The following SHROOM3 variants were observed in gnomAD, a reference collection of about 807,000 sequenced individuals.
SHROOM3 encodes shroom family member 3.
SHROOM3 carries 47 observed loss-of-function variants against 138.6 expected under a neutral mutation model. The ratio of observed to expected loss-of-function variants is 0.34; its 90% CI spans 0.27 to 0.43. The LOEUF (loss-of-function observed/expected upper bound fraction) is 0.43. Ranked by LOEUF, SHROOM3 falls within the 20% of genes least tolerant of loss-of-function variation. The pLI is 1.00. For missense variants in SHROOM3, 2,491 were observed against 2,596.5 expected (o/e 0.96, Z 0.88); for synonymous variants, 1,062 against 1,063.3 (o/e 1.00, Z 0.02).
intron 1 of SHROOM3, among the ~76,000 whole-genome samples, chr4:76,479,009 C>A (rs1731546667): frequency 6.6e-6 from 1 of 152,064 alleles, no homozygotes; most frequent in Non-Finnish European, 1.5e-5. Flanking sequence ...GTAGATAAAT[C>A]CACGAAGATG....
chr4:76,562,674 G>A (rs1265224639), intron 2 of SHROOM3, among the ~76,000 whole-genome samples: 1 of 152,108 alleles, frequency 6.6e-6, no homozygotes, highest in East Asian at 1.9e-4. Context: ...ACACTGTTTT[G>A]CCACCTCTCC....
At chr4:76,565,289 C>T (rs779932618) in intron 2 of SHROOM3, among the ~76,000 whole-genome samples, 1 of 151,620 alleles carries the variant, frequency 6.6e-6, no homozygotes, top group Non-Finnish European at 1.5e-5. Flanking sequence ...AATTTGGATG[C>T]ATCAGCTAGG....
At chr4:76,456,154 G>A (rs1731023031) in intron 1 of SHROOM3, among the ~76,000 whole-genome samples, 1 of 152,068 alleles carries the variant, frequency 6.6e-6, no homozygotes, top group African/African-American at 2.4e-5. Flanking sequence ...TTACAGGCAT[G>A]TGTCACCACT....
intron 9 of SHROOM3, among the ~76,000 whole-genome samples, chr4:76,764,770 C>A (rs1560621066): frequency 6.6e-6 from 1 of 152,178 alleles, no homozygotes; most frequent in African/African-American, 2.4e-5. Context: ...TCTGGCCACT[C>A]TCTTTCGTCT....
intron 2 of SHROOM3, among the ~76,000 whole-genome samples, chr4:76,672,668 G>C (rs1718919627): frequency 6.6e-6 from 1 of 152,148 alleles, no homozygotes; most frequent in Admixed American, 6.5e-5. Flanking sequence ...CGCCTCCTGG[G>C]TTCACACCAT....
intron 3 of SHROOM3, among the ~76,000 whole-genome samples, chr4:76,715,669 C>T (rs1720352216): frequency 6.6e-6 from 1 of 152,170 alleles, no homozygotes; most frequent in African/African-American, 2.4e-5. Context: ...GATCACCATG[C>T]TTCATAAAGT....
chr4:76,683,763 C>G (rs985372246), intron 2 of SHROOM3, among the ~76,000 whole-genome samples: 3 of 152,162 alleles, frequency 2.0e-5, no homozygotes, highest in Admixed American at 1.3e-4. Context: ...GATGGAACTA[C>G]TTTAGAACCC....
At position 76,738,754 on chromosome 4, in the gene SHROOM3, C is replaced by T. The variant is rs139587539; in HGVS notation, c.588-7C>T. On this transcript the variant is annotated splice_polypyrimidine_tract_variant and splice_region_variant and intron_variant, in intron 4 of 10. Coordinates refer to ENST00000296043, the MANE Select transcript of SHROOM3 (RefSeq NM_020859.4). ...CAGTGGTACTGACTGCTTTGTCTTT[C>T]TTCCAGCTCCTCTACTAGTGACCTC... 10 of 1,614,184 alleles carry T rather than the reference C, an allele frequency of 6.2e-6. No individual in the cohort carries two copies. The East Asian group carries it at 2.2e-4, about 36-fold the overall frequency.
In SHROOM3 at chr4:76,653,991, CATATAT is replaced by C. The variant is rs1440168391; in HGVS notation, c.324-56163_324-56158del. 2.0e-5 allele frequency among the ~76,000 whole-genome samples: 3 copies of C among 152,224 alleles called. No individual in the cohort carries two copies. The East Asian group carries it at 5.8e-4, about 29-fold the overall frequency. ...AAGACTCTAGTAATGGAGAAAAACT[CATATAT>C]AGATAAATTACCAATCAATGTGGTA... On this transcript the variant is annotated intron_variant, in intron 2 of 10. Transcript: ENST00000296043.
chr4:76,640,083 C>T (rs73826403), intron 2 of SHROOM3, among the ~76,000 whole-genome samples: 2,584 of 152,056 alleles, frequency 0.017, 73 homozygotes, highest in African/African-American at 0.06. Flanking sequence ...TTGTCAGCTG[C>T]CAGATTATTA....
intron 2 of SHROOM3, among the ~76,000 whole-genome samples, chr4:76,680,968 G>A (rs1015312331): frequency 6.6e-6 from 1 of 152,180 alleles, no homozygotes; most frequent in Non-Finnish European, 1.5e-5. Flanking sequence ...ATGACTTCTT[G>A]AACAGTGCAG....
intron 1 of SHROOM3, among the ~76,000 whole-genome samples, chr4:76,466,714 G>A (rs927417590): frequency 3.9e-5 from 6 of 151,932 alleles, no homozygotes; most frequent in African/African-American, 1.4e-4. Flanking sequence ...ATAGAAACCT[G>A]GCAAAAAATA....
intron 2 of SHROOM3, chr4:76,587,139 A>G (rs1341845602): frequency 1.3e-5 from 2 of 152,082 alleles, no homozygotes; most frequent in African/African-American, 4.8e-5. Flanking sequence ...ATCCTTAACT[A>G]TGCTCTGATT....
intron 2 of SHROOM3, chr4:76,586,865 CA>C (rs1199873772): frequency 6.6e-6 from 1 of 152,208 alleles, no homozygotes; most frequent in African/African-American, 2.4e-5. Context: ...TCAGGATTTA[CA>C]GCCTAATTTT....
chr4:76,607,454 G>C (rs1015393889), intron 2 of SHROOM3, among the ~76,000 whole-genome samples: 2 of 152,186 alleles, frequency 1.3e-5, no homozygotes, highest in African/African-American at 4.8e-5. Context: ...GCAAAGGAAA[G>C]TCTTGAATTC....
chr4:76,661,421 G>A (rs1431887423), intron 2 of SHROOM3, among the ~76,000 whole-genome samples: 4 of 151,888 alleles, frequency 2.6e-5, no homozygotes, highest in Non-Finnish European at 5.9e-5. Context: ...TAGTAGAGAC[G>A]GGGTTTCACC....
chr4:76,702,052 T>C (rs917884301), intron 2 of SHROOM3, among the ~76,000 whole-genome samples: 2 of 152,224 alleles, frequency 1.3e-5, no homozygotes, highest in Non-Finnish European at 2.9e-5. Flanking sequence ...TAGTAACATT[T>C]TGGAATACTT....
intron 1 of SHROOM3, among the ~76,000 whole-genome samples, chr4:76,535,776 A>G (rs1280579551): frequency 6.6e-6 from 1 of 152,214 alleles, no homozygotes; most frequent in Non-Finnish European, 1.5e-5. Context: ...ATTTTATTGG[A>G]ATGACTTTGT....
rs79013846 is a variant in SHROOM3 at position 76,735,398 on chromosome 4, C to T, written c.588-3363C>T. Among the ~76,000 whole-genome samples, 21 of 152,144 alleles carry T rather than the reference C, an allele frequency of 1.4e-4. No individual in the cohort carries two copies. In the East Asian group the frequency reaches 3.1e-3, roughly 22 times the overall value. On this transcript the variant is annotated intron_variant, in intron 4 of 10. Coordinates refer to ENST00000296043, the MANE Select transcript of SHROOM3 (RefSeq NM_020859.4). Reference sequence around the variant, plus strand: ...AATTCTGAAGGGACAGAACCCTCTCCGGGCAGGAGGGAAAATACCTAACAG... The same window carrying T: ...AATTCTGAAGGGACAGAACCCTCTCTGGGCAGGAGGGAAAATACCTAACAG...
Sources: allele counts gnomAD v4.1 joint callset (sites outside exome capture counted in the v4.1 genomes callset), GRCh38; gene constraint gnomAD v4.1.1; transcripts MANE v1.5; gene names NCBI Gene and HGNC (gene_info 2026-07-23, HGNC 2026-07-21).